Variants in KCND2 observed in about 807,000 individuals in gnomAD.
KCND2 encodes the protein potassium voltage-gated channel subfamily D member 2, also known as A-type voltage-gated potassium channel KCND2.
In KCND2, 16 loss-of-function variants were observed where a neutral mutation model predicts 54.4. That is an observed-to-expected ratio of 0.29 (90% CI 0.20 to 0.45). KCND2 has a LOEUF of 0.45. Among genes scored for constraint, KCND2 ranks in the 20% least tolerant of loss-of-function variants. The pLI, the probability that KCND2 is intolerant of heterozygous loss-of-function variation, is 1.00. For synonymous variants in KCND2, 317 were observed against 310.7 expected (o/e 1.02, Z -0.21); for missense variants, 486 against 824.2 (o/e 0.59, Z 5.02).
intron 1 of KCND2, among the ~76,000 whole-genome samples, chr7:120,488,444 G>GA (rs200001521): frequency 0.028 from 4,206 of 151,778 alleles, 90 homozygotes; most frequent in Non-Finnish European, 0.041. Flanking sequence ...TCTTGATTTG[G>GA]AAAAAAAGTT....
At chr7:120,624,227 G>A (rs185749762) in intron 1 of KCND2, among the ~76,000 whole-genome samples, 12 of 152,154 alleles carry the variant, frequency 7.9e-5, no homozygotes, top group Non-Finnish European at 1.5e-4. Context: ...ATGTTAAATC[G>A]CATTCTAACT....
intron 1 of KCND2, among the ~76,000 whole-genome samples, chr7:120,281,072 A>G (rs925309722): frequency 1.3e-5 from 2 of 152,098 alleles, no homozygotes; most frequent in African/African-American, 4.8e-5. Flanking sequence ...TCAATGGTGA[A>G]TCTTTTACCT....
intron 1 of KCND2, among the ~76,000 whole-genome samples, chr7:120,599,619 G>C (rs976000566): frequency 6.6e-6 from 1 of 151,908 alleles, no homozygotes; most frequent in Non-Finnish European, 1.5e-5. Context: ...GAAATTCCAA[G>C]TGTTTCTTGC....
intron 1 of KCND2, among the ~76,000 whole-genome samples, chr7:120,313,181 T>G (rs1197303058): frequency 6.6e-6 from 1 of 152,194 alleles, no homozygotes; most frequent in Non-Finnish European, 1.5e-5. Context: ...TGGCTTGCCA[T>G]AAAAGTTGTA....
intron 1 of KCND2, among the ~76,000 whole-genome samples, chr7:120,573,309 G>A (rs1220647780): frequency 6.6e-6 from 1 of 152,080 alleles, no homozygotes; most frequent in Non-Finnish European, 1.5e-5. Context: ...TTTCAGATGC[G>A]ATTGTAAAAT....
chr7:120,358,869 C>G (rs1204780952), intron 1 of KCND2, among the ~76,000 whole-genome samples: 1 of 152,180 alleles, frequency 6.6e-6, no homozygotes, highest in Non-Finnish European at 1.5e-5. Flanking sequence ...GTTTTCACAA[C>G]TATATGCAAA....
chr7:120,533,224 A>C (rs1791863606), intron 1 of KCND2, among the ~76,000 whole-genome samples: 1 of 152,078 alleles, frequency 6.6e-6, no homozygotes, highest in African/African-American at 2.4e-5. Context: ...CCTCTCTGTT[A>C]TGTGAAAACT....
chr7:120,445,684 C>T (rs1258190133), intron 1 of KCND2, among the ~76,000 whole-genome samples: 2 of 152,002 alleles, frequency 1.3e-5, no homozygotes, highest in Non-Finnish European at 2.9e-5. Context: ...TTGGAAGAAA[C>T]TAAAGATAAA....
intron 1 of KCND2, among the ~76,000 whole-genome samples, chr7:120,474,185 A>T (rs1802500502): frequency 6.6e-6 from 1 of 152,030 alleles, no homozygotes; most frequent in African/African-American, 2.4e-5. Context: ...CTCCGTGGTG[A>T]TTCCCCAGCA....
At chr7:120,453,710 G>C (rs565114657) in intron 1 of KCND2, among the ~76,000 whole-genome samples, 3 of 152,152 alleles carry the variant, frequency 2.0e-5, no homozygotes, top group African/African-American at 7.2e-5. Flanking sequence ...TAATGAAAAC[G>C]AATATATTAA....
intron 1 of KCND2, among the ~76,000 whole-genome samples, chr7:120,415,925 C>A (rs934511780): frequency 6.6e-6 from 1 of 152,136 alleles, no homozygotes; most frequent in East Asian, 1.9e-4. Flanking sequence ...AATCAGAAAC[C>A]GAGAAGTCAT....
At chr7:120,653,028 G>GGT (rs140936435) in intron 1 of KCND2, among the ~76,000 whole-genome samples, 96 of 150,890 alleles carry the variant, frequency 6.4e-4, no homozygotes, top group Middle Eastern at 3.4e-3. Flanking sequence ...ACTAAACAGT[G>GGT]GTGTGTGTGT....
intron 1 of KCND2, among the ~76,000 whole-genome samples, chr7:120,470,230 CT>C (rs1375778169): frequency 6.6e-6 from 1 of 152,094 alleles, no homozygotes; most frequent in Non-Finnish European, 1.5e-5. Flanking sequence ...CCTTTCACCC[CT>C]ACCACTAGAC....
At chr7:120,618,558 T>A (rs1226309141) in intron 1 of KCND2, among the ~76,000 whole-genome samples, 3 of 152,100 alleles carry the variant, frequency 2.0e-5, no homozygotes, top group East Asian at 1.9e-4. Flanking sequence ...CTTTTTTTTT[T>A]AAAGACAGCC....
At chr7:120,624,757 A>T (rs1423049137) in intron 1 of KCND2, among the ~76,000 whole-genome samples, 3 of 150,000 alleles carry the variant, frequency 2.0e-5, no homozygotes, top group African/African-American at 7.4e-5. Context: ...CTCCAGTCTG[A>T]GTGATAAACT....
chr7:120,280,449 G>A (rs1000497434), intron 1 of KCND2, among the ~76,000 whole-genome samples: 2 of 151,968 alleles, frequency 1.3e-5, no homozygotes, highest in African/African-American at 2.4e-5. Context: ...TAGAGAAAAC[G>A]CTATTTTTAA....
intron 1 of KCND2, among the ~76,000 whole-genome samples, chr7:120,703,660 C>A (rs115721699): frequency 1.6e-3 from 238 of 152,208 alleles, no homozygotes; most frequent in African/African-American, 5.3e-3. Context: ...AAATGCATCC[C>A]CAGAGTGAGA....
chr7:120,512,770 A>T (rs76060178), intron 1 of KCND2, among the ~76,000 whole-genome samples: 3,165 of 150,868 alleles, frequency 0.021, 60 homozygotes, highest in South Asian at 0.09. Context: ...TAAGAATTAT[A>T]GTTTTAGGAT....
chr7:120,731,528 G>T (rs1792806559), intron 1 of KCND2, among the ~76,000 whole-genome samples: 1 of 152,204 alleles, frequency 6.6e-6, no homozygotes, highest in East Asian at 1.9e-4. Flanking sequence ...GGAACTAAAT[G>T]AGGTAGGCCC....
Sources: gnomAD v4.1 joint callset for allele counts (sites outside exome capture counted in the v4.1 genomes callset) on GRCh38, gnomAD v4.1.1 for gene constraint, MANE v1.5 for transcripts, NCBI Gene and HGNC (gene_info 2026-07-23, HGNC 2026-07-21) for gene names.